SEMA3A: variants seen among roughly 807,000 people sequenced by gnomAD.
The protein encoded by SEMA3A is semaphorin-3A.
A neutral mutation model predicts 97.9 loss-of-function variants in SEMA3A; 29 were observed. The ratio of observed to expected loss-of-function variants is 0.30; its 90% CI spans 0.22 to 0.40. The LOEUF (loss-of-function observed/expected upper bound fraction) is 0.40, where lower values mean the gene tolerates loss of function less well. SEMA3A is among the 10% of genes least tolerant of loss of function. SEMA3A has a pLI of 1.00. For missense variants in SEMA3A, 763 were observed against 951.3 expected, an observed-to-expected ratio of 0.80 and a Z score of 2.60; for synonymous variants, 321 against 323.7, an observed-to-expected ratio of 0.99 and a Z score of 0.09.
At chr7:84,488,184 T>C (rs1351696739) in intron 1 of SEMA3A, among the ~76,000 whole-genome samples, 2 of 149,188 alleles carry the variant, frequency 1.3e-5, no homozygotes, top group East Asian at 3.8e-4. Context: ...ACAAAGAATC[T>C]CCATCATAGT....
intron 3 of SEMA3A, among the ~76,000 whole-genome samples, chr7:84,270,956 G>A (rs1047084430): frequency 6.6e-6 from 1 of 151,668 alleles, no homozygotes; most frequent in Non-Finnish European, 1.5e-5. Flanking sequence ...CTATTGAATA[G>A]GTTGACATTT....
intron 1 of SEMA3A, among the ~76,000 whole-genome samples, chr7:84,462,538 C>A (rs1445760203): frequency 6.6e-6 from 1 of 152,116 alleles, no homozygotes; most frequent in Non-Finnish European, 1.5e-5. Flanking sequence ...ATGGTCTGTG[C>A]TTTGGTCTGG....
chr7:84,087,748 C>T (rs1794425910), intron 4 of SEMA3A, among the ~76,000 whole-genome samples: 1 of 152,174 alleles, frequency 6.6e-6, no homozygotes, highest in South Asian at 2.1e-4. Context: ...GTTGTTACTA[C>T]TACCTTCTTG....
intron 6 of SEMA3A, among the ~76,000 whole-genome samples, chr7:84,031,232 C>T (rs1046352896): frequency 6.6e-6 from 1 of 151,856 alleles, no homozygotes; most frequent in Non-Finnish European, 1.5e-5. Flanking sequence ...ACCTTGTGAT[C>T]CACCTGCCTC....
chr7:84,421,299 G>T (rs115071559), intron 1 of SEMA3A, among the ~76,000 whole-genome samples: 34 of 152,000 alleles, frequency 2.2e-4, no homozygotes, highest in African/African-American at 8.2e-4. Context: ...ACAAATCAAG[G>T]AGAAATTAAG....
chr7:84,418,103 C>T (rs1804483886), intron 1 of SEMA3A, among the ~76,000 whole-genome samples: 2 of 152,076 alleles, frequency 1.3e-5, no homozygotes, highest in South Asian at 4.1e-4. Flanking sequence ...AGGGTGTTGC[C>T]AGAGAAGAAT....
chr7:84,346,273 T>C (rs1802298149), intron 2 of SEMA3A, among the ~76,000 whole-genome samples: 2 of 152,232 alleles, frequency 1.3e-5, no homozygotes, highest in South Asian at 4.1e-4. Context: ...TCCAGACCAC[T>C]AAAAATGTCT....
intron 3 of SEMA3A, among the ~76,000 whole-genome samples, chr7:84,257,605 C>G (rs1159812803): frequency 1.3e-5 from 2 of 152,152 alleles, no homozygotes; most frequent in African/African-American, 4.8e-5. Context: ...TTAATCCCCA[C>G]AGAGGATGGC....
intron 1 of SEMA3A, among the ~76,000 whole-genome samples, chr7:84,162,622 C>A (rs555486477): frequency 6.6e-6 from 1 of 152,002 alleles, no homozygotes; most frequent in South Asian, 2.1e-4. Context: ...TTGCTTAAAA[C>A]ACTTTTCAAA....
chr7:84,215,575 T>A (rs929572001), intron 3 of SEMA3A, among the ~76,000 whole-genome samples: 8 of 152,214 alleles, frequency 5.3e-5, no homozygotes, highest in Non-Finnish European at 1.2e-4. Flanking sequence ...CCCCTAGCTC[T>A]ATTTTAACCC....
intron 2 of SEMA3A, among the ~76,000 whole-genome samples, chr7:84,313,592 C>T (rs1562898967): frequency 6.6e-6 from 1 of 151,058 alleles, no homozygotes; most frequent in Non-Finnish European, 1.5e-5. Context: ...TCACACTATA[C>T]ACTTGACTCT....
At chr7:84,108,347 G>GA (rs59340161) in intron 4 of SEMA3A, among the ~76,000 whole-genome samples, 71,672 of 146,320 alleles carry the variant, frequency 0.49, 18,299 homozygotes, top group East Asian at 0.7. Context: ...TTTCTACAGG[G>GA]AAAAAAAAAA....
intron 3 of SEMA3A, among the ~76,000 whole-genome samples, chr7:84,119,261 G>T (rs373656942): frequency 6.6e-6 from 1 of 152,052 alleles, no homozygotes; most frequent in Non-Finnish European, 1.5e-5. Context: ...ACCATGTATA[G>T]CATGGATAGT....
intron 2 of SEMA3A, among the ~76,000 whole-genome samples, chr7:84,321,882 AAAAAAAAAAAAAAAAAAG>A (rs907640504): frequency 2.4e-4 from 32 of 133,706 alleles, no homozygotes; most frequent in Non-Finnish European, 2.1e-4. Context: ...GAAAAAAAAA[AAAAAAAAAAAAAAAAAAG>A]AAGAAGAAGA....
chr7:83,993,201 G>A (rs1639594), intron 12 of SEMA3A, among the ~76,000 whole-genome samples: 8 of 112,700 alleles, frequency 7.1e-5, no homozygotes, highest in Admixed American at 2.9e-4. Flanking sequence ...TATTTTGAGC[G>A]TATGTGTGTC....
chr7:84,296,259 G>A (rs561568194), intron 3 of SEMA3A, among the ~76,000 whole-genome samples: 71 of 152,212 alleles, frequency 4.7e-4, no homozygotes, highest in African/African-American at 1.6e-3. Flanking sequence ...ATTAGAGGAT[G>A]AGATTAAAAT....
At position 84,418,062 on chromosome 7, in the gene SEMA3A, T is replaced by A. The variant is rs192521742; in HGVS notation, c.-245-46162A>T. Among the ~76,000 whole-genome samples, 30 of 152,260 alleles carry A rather than the reference T, an allele frequency of 2.0e-4. No homozygotes were observed. In the East Asian group the frequency reaches 5.8e-3, roughly 29 times the overall value. ...CTGGATTGAGGGATGCCTAGGTGGC[T>A]GGTAAAGTTTTGTTTCTGAGTGTGT... On this transcript the variant is annotated intron_variant, in intron 1 of 3. Coordinates refer to the SEMA3A transcript ENST00000424555.
chr7:84,232,739 T>G (rs1257105823), intron 3 of SEMA3A, among the ~76,000 whole-genome samples: 1 of 151,982 alleles, frequency 6.6e-6, no homozygotes, highest in Non-Finnish European at 1.5e-5. Context: ...TTCATTCATT[T>G]TCTTGAAATG....
At chr7:84,288,523 T>C (rs1800652024) in intron 3 of SEMA3A, among the ~76,000 whole-genome samples, 1 of 151,878 alleles carries the variant, frequency 6.6e-6, no homozygotes, top group African/African-American at 2.4e-5. Flanking sequence ...CATGGCGAAA[T>C]CCTGTCTGTA....
Sources: gnomAD v4.1 joint callset for allele counts (sites outside exome capture counted in the v4.1 genomes callset) on GRCh38, gnomAD v4.1.1 for gene constraint, MANE v1.5 for transcripts, NCBI Gene and HGNC (gene_info 2026-07-23, HGNC 2026-07-21) for gene names.